HHAT: variants seen among roughly 807,000 people sequenced by gnomAD.
HHAT encodes hedgehog acyltransferase, also known as protein-cysteine N-palmitoyltransferase HHAT.
A neutral mutation model predicts 70.8 loss-of-function variants in HHAT; 47 were observed. The ratio of observed to expected loss-of-function variants is 0.66; its 90% confidence interval spans 0.53 to 0.85. The LOEUF (loss-of-function observed/expected upper bound fraction) is 0.85. HHAT is among the 40% of genes least tolerant of loss of function. HHAT has a pLI of 0.00. For missense variants in HHAT, 609 were observed against 604.8 expected, an observed-to-expected ratio of 1.01 and a Z score of -0.07; for synonymous variants, 228 against 247.6, an observed-to-expected ratio of 0.92 and a Z score of 0.74.
At chr1:210,533,101 A>G (rs2095331729) in intron 9 of HHAT, among the ~76,000 whole-genome samples, 1 of 152,168 alleles carries the variant, frequency 6.6e-6, no homozygotes, top group Non-Finnish European at 1.5e-5. Context: ...GGCATCTAGC[A>G]TGGCACTTTG....
intron 9 of HHAT, among the ~76,000 whole-genome samples, chr1:210,561,464 C>T (rs549049535): frequency 6.6e-6 from 1 of 152,268 alleles, no homozygotes; most frequent in African/African-American, 2.4e-5. Context: ...TCTGTTTCCT[C>T]ATCTGGAAAA....
chr1:210,636,580 T>C (rs1488344028), intron 11 of HHAT, among the ~76,000 whole-genome samples: 1 of 152,238 alleles, frequency 6.6e-6, no homozygotes, highest in Non-Finnish European at 1.5e-5. Context: ...GCCTGGTTAT[T>C]CCTTACTGTC....
chr1:210,556,084 G>A (rs922570316), intron 9 of HHAT, among the ~76,000 whole-genome samples: 30 of 152,174 alleles, frequency 2.0e-4, no homozygotes, highest in African/African-American at 7.2e-4. Context: ...TGTGCAGGGA[G>A]TTTAGTCTAT....
At chr1:210,469,419 GC>G (rs536950026) in intron 8 of HHAT, among the ~76,000 whole-genome samples, 84 of 152,212 alleles carry the variant, frequency 5.5e-4, no homozygotes, top group African/African-American at 2.0e-3. Context: ...GGATCCCTGT[GC>G]TAAAGTACAT....
intron 10 of HHAT, among the ~76,000 whole-genome samples, chr1:210,615,570 A>G (rs1667523089): frequency 6.6e-6 from 1 of 151,992 alleles, no homozygotes; most frequent in African/African-American, 2.4e-5. Flanking sequence ...TTGTGGTTTT[A>G]TTTACCTTTG....
At chr1:210,441,982 C>T (rs1323549768) in intron 7 of HHAT, among the ~76,000 whole-genome samples, 5 of 146,338 alleles carry the variant, frequency 3.4e-5, no homozygotes, top group South Asian at 4.7e-4. Flanking sequence ...GTATATCTCC[C>T]GGTGCTATCC....
intron 1 of HHAT, among the ~76,000 whole-genome samples, chr1:210,332,123 A>G (rs538036917): frequency 2.6e-5 from 4 of 152,336 alleles, no homozygotes; most frequent in African/African-American, 9.6e-5. Flanking sequence ...TGGCTAGCCA[A>G]CACTTCTCTA....
chr1:210,623,196 C>T lies in HHAT; in HGVS notation c.1246-330C>T, dbSNP rs937556620. Among the ~76,000 whole-genome samples the T allele has an allele frequency of 2.6e-5, 4 of 152,134 alleles. No homozygotes were observed. The East Asian group carries it at 5.8e-4, about 22-fold the overall frequency. On this transcript the variant is annotated intron_variant, in intron 10 of 11. Coordinates refer to ENST00000261458, the MANE Select transcript of HHAT (RefSeq NM_018194.6). ...AAGCAATCCTCCCACCTTAGCCTCC[C>T]GAGTAGCTGGGACTACAGTCATATG...
chr1:210,384,949 A>G (rs1345279241), intron 3 of HHAT, among the ~76,000 whole-genome samples: 5 of 152,314 alleles, frequency 3.3e-5, no homozygotes, highest in Middle Eastern at 3.4e-3. Context: ...TTTTTTAAAT[A>G]GGGAAGAATA....
chr1:210,479,179 A>G (rs1447357698), intron 8 of HHAT, among the ~76,000 whole-genome samples: 2 of 152,206 alleles, frequency 1.3e-5, no homozygotes, highest in Non-Finnish European at 2.9e-5. Flanking sequence ...GGTCTAGATT[A>G]TTCTCATCAA....
chr1:210,628,028 A>G (rs1558307635), intron 11 of HHAT, among the ~76,000 whole-genome samples: 2 of 152,198 alleles, frequency 1.3e-5, no homozygotes, highest in Non-Finnish European at 2.9e-5. Context: ...GAAGCATAAT[A>G]TCTTCAACAA....
At chr1:210,557,061 CT>C (rs1319047557) in intron 9 of HHAT, among the ~76,000 whole-genome samples, 1 of 152,194 alleles carries the variant, frequency 6.6e-6, no homozygotes, top group Non-Finnish European at 1.5e-5. Context: ...GCCCTTCCCC[CT>C]GAATGAGCTG....
intron 3 of HHAT, among the ~76,000 whole-genome samples, chr1:210,380,542 AAAAT>A (rs1209874073): frequency 6.6e-6 from 1 of 152,082 alleles, no homozygotes; most frequent in Non-Finnish European, 1.5e-5. Context: ...TCTGTCGCAA[AAAAT>A]AAATAAAATA....
intron 10 of HHAT, among the ~76,000 whole-genome samples, chr1:210,612,622 A>G (rs901762076): frequency 3.3e-5 from 5 of 152,174 alleles, no homozygotes; most frequent in Admixed American, 6.5e-5. Flanking sequence ...GTGTACAAAT[A>G]TATGTCTGAG....
intron 2 of HHAT, among the ~76,000 whole-genome samples, chr1:210,351,233 A>G (rs1475300444): frequency 6.6e-6 from 1 of 152,220 alleles, no homozygotes; most frequent in Admixed American, 6.5e-5. Context: ...GTAGCCAGAA[A>G]TAAGAGTGAA....
chr1:210,562,265 G>T (rs1230513849), intron 9 of HHAT, among the ~76,000 whole-genome samples: 1 of 151,920 alleles, frequency 6.6e-6, no homozygotes, highest in African/African-American at 2.4e-5. Context: ...AGTTGGAAAG[G>T]ATATATATTT....
chr1:210,374,928 C>T (rs544961148), intron 3 of HHAT, among the ~76,000 whole-genome samples: 14 of 151,954 alleles, frequency 9.2e-5, no homozygotes, highest in Non-Finnish European at 2.1e-4. Flanking sequence ...TCAGGCCTTA[C>T]CAGTCCTCCC....
At chr1:210,330,542 A>G (rs1413178135) in intron 1 of HHAT, among the ~76,000 whole-genome samples, 2 of 152,064 alleles carry the variant, frequency 1.3e-5, no homozygotes, top group African/African-American at 4.8e-5. Flanking sequence ...GGTTAGATGG[A>G]TGAACTTAGG....
intron 10 of HHAT, chr1:210,589,635 C>T (rs1661226183): frequency 6.6e-6 from 1 of 152,238 alleles, no homozygotes; most frequent in Non-Finnish European, 1.5e-5. Flanking sequence ...TAATGTTAAG[C>T]AGTGCTCTGT....
Sources: gnomAD v4.1 joint callset for allele counts (sites outside exome capture counted in the v4.1 genomes callset) on GRCh38, gnomAD v4.1.1 for gene constraint, MANE v1.5 for transcripts, NCBI Gene and HGNC (gene_info 2026-07-23, HGNC 2026-07-21) for gene names.